ARID1B: variants seen among roughly 807,000 people sequenced by gnomAD.
ARID1B encodes the protein AT-rich interaction domain 1B.
A neutral mutation model predicts 212.3 loss-of-function variants in ARID1B; 30 were observed. The observed-to-expected ratio is 0.14, with a 90% CI of 0.11 to 0.19. ARID1B has a LOEUF of 0.19. Among genes scored for constraint, ARID1B ranks in the 10% least tolerant of loss-of-function variants. The pLI, the probability that ARID1B is intolerant of heterozygous loss-of-function variation, is 1.00. For missense variants in ARID1B, 2,891 were observed against 3,204.0 expected, an observed-to-expected ratio of 0.90 and a Z score of 2.36; for synonymous variants, 1,402 against 1,301.7, an observed-to-expected ratio of 1.08 and a Z score of -1.66.
chr6:156,782,458 T>G (rs1180694549), intron 1 of ARID1B, among the ~76,000 whole-genome samples: 1 of 152,124 alleles, frequency 6.6e-6, no homozygotes, highest in Non-Finnish European at 1.5e-5. Flanking sequence ...TCAAAAGGAA[T>G]ATTGAGGTCT....
At chr6:157,082,228 C>T (rs1784680509) in intron 4 of ARID1B, among the ~76,000 whole-genome samples, 1 of 152,128 alleles carries the variant, frequency 6.6e-6, no homozygotes, top group Non-Finnish European at 1.5e-5. Context: ...TGTCCTAATT[C>T]CTGTTTTTCC....
chr6:157,039,808 TTC>T (rs1335367806), intron 4 of ARID1B, among the ~76,000 whole-genome samples: 1 of 138,568 alleles, frequency 7.2e-6, no homozygotes, highest in Non-Finnish European at 1.5e-5. Context: ...TTCTTTCTCT[TTC>T]TTTCTTTTTC....
At position 156,989,428 on chromosome 6, in the gene ARID1B, A is replaced by T. The variant is rs567052514; in HGVS notation, c.2247+53852A>T. Among the ~76,000 whole-genome samples, 19 of 152,384 alleles carry T rather than the reference A, an allele frequency of 1.2e-4. No homozygotes were observed. The South Asian group carries it at 3.9e-3, about 32-fold the overall frequency. The stretch of plus-strand genomic sequence containing the variant: ...TAACAGTCACAAGATAATACATGTT[A>T]ATCTTCAAAAAGTTTTGGGAATTCG... On this transcript the variant is annotated intron_variant, in intron 4 of 19. Coordinates refer to ENST00000636930, the MANE Select transcript of ARID1B (RefSeq NM_001374828.1).
At chr6:156,889,693 G>T (rs1418401999) in intron 2 of ARID1B, among the ~76,000 whole-genome samples, 2 of 152,160 alleles carry the variant, frequency 1.3e-5, no homozygotes, top group Non-Finnish European at 2.9e-5. Context: ...GGGATCGTTT[G>T]TGCTATTCTA....
chr6:157,099,660 T>C (rs913326836), intron 5 of ARID1B, among the ~76,000 whole-genome samples: 4 of 152,248 alleles, frequency 2.6e-5, no homozygotes, highest in African/African-American at 9.6e-5. Context: ...TACTCACTTC[T>C]GTTTTCTACC....
intron 4 of ARID1B, among the ~76,000 whole-genome samples, chr6:156,987,622 G>A (rs1458155830): frequency 5.3e-5 from 8 of 152,230 alleles, no homozygotes; most frequent in Middle Eastern, 3.4e-3. Flanking sequence ...GAGCCACCAC[G>A]CCCGGCCCAG....
intron 2 of ARID1B, among the ~76,000 whole-genome samples, chr6:156,857,702 T>C (rs548542331): frequency 5.5e-4 from 84 of 152,356 alleles, no homozygotes; most frequent in Middle Eastern, 3.4e-3. Flanking sequence ...ATTGGAAATA[T>C]ACAGTCATGT....
rs545023901 is a variant in ARID1B, at chr6:157,209,128, TA to T, written c.*1251del. 18,939 of 194,644 alleles carry T rather than the reference TA, an allele frequency of 0.097. 4 individuals carry two copies. The highest frequency in any genetic ancestry group is 0.2 in the East Asian group (2,352 of 11,894). The allele number at this position is 194,644 out of a possible 1,614,324, so 12.1% of individuals were successfully genotyped here. A position where few individuals can be genotyped will look rare whatever the true frequency, so the allele number is the denominator to read the frequency against. On this transcript the variant is annotated 3_prime_UTR_variant, in exon 20 of 20. Transcript: ENST00000636930. ...ATTTGTATTTCAAGATAATGTAGTTTAAAAAAAAAAAAAAGAAAAAAACTTG... is the reference window on the plus strand; with the variant it reads ...ATTTGTATTTCAAGATAATGTAGTTTAAAAAAAAAAAAAGAAAAAAACTTG...
intron 4 of ARID1B, among the ~76,000 whole-genome samples, chr6:156,962,172 G>A (rs945727418): frequency 1.3e-5 from 2 of 151,956 alleles, no homozygotes; most frequent in Admixed American, 1.3e-4. Flanking sequence ...GGTGGCGGGC[G>A]CCTGCAGTCC....
chr6:156,844,846 TTC>T (rs1279820895), intron 2 of ARID1B, among the ~76,000 whole-genome samples: 1 of 152,212 alleles, frequency 6.6e-6, no homozygotes, highest in Non-Finnish European at 1.5e-5. Flanking sequence ...CTGTACAACT[TTC>T]TGTTATCCAG....
chr6:156,961,231 A>G (rs1174251873), intron 4 of ARID1B, among the ~76,000 whole-genome samples: 6 of 152,234 alleles, frequency 3.9e-5, no homozygotes, highest in Non-Finnish European at 5.9e-5. Flanking sequence ...TGCTTAATGG[A>G]AACCAATCCT....
chr6:157,105,825 C>T (rs1193506377), intron 5 of ARID1B, among the ~76,000 whole-genome samples: 2 of 152,108 alleles, frequency 1.3e-5, no homozygotes, highest in Non-Finnish European at 2.9e-5. Context: ...TGGTCTTGAA[C>T]TCCTGACTTC....
chr6:156,876,685 GCCCCGTCTT>G (rs1786583205), intron 2 of ARID1B, among the ~76,000 whole-genome samples: 1 of 152,164 alleles, frequency 6.6e-6, no homozygotes, highest in Admixed American at 6.5e-5. Context: ...CTTTCTGTGT[GCCCCGTCTT>G]CATAGCCTTT....
At chr6:157,199,135 A>G (rs916855560) in intron 17 of ARID1B, among the ~76,000 whole-genome samples, 2 of 152,242 alleles carry the variant, frequency 1.3e-5, no homozygotes, top group African/African-American at 4.8e-5. Context: ...ATGACCTGTA[A>G]TAAGAAGTTG....
At chr6:157,149,809 G>A (rs1583407359) in intron 8 of ARID1B, 1 of 150,044 alleles carries the variant, frequency 6.7e-6, no homozygotes, top group Admixed American at 6.6e-5. Context: ...AAGCTAAGGT[G>A]TGTGTGCGTG....
Position 156,779,901 on chromosome 6 carries a change from A to G in ARID1B, c.1791+430A>G, listed in dbSNP as rs573134001. Among the ~76,000 whole-genome samples, 19 of 152,254 alleles carry G rather than the reference A, an allele frequency of 1.2e-4. No individual in the cohort carries two copies. The South Asian group carries it at 3.3e-3, about 27-fold the overall frequency. ...CCGATCGGTTCTGGGAGCGCCCACA[A>G]TGTGCTTTAACGGGGGAAAGAATGA... On this transcript the variant is annotated intron_variant, in intron 1 of 19. Coordinates refer to ENST00000636930, the MANE Select transcript of ARID1B (RefSeq NM_001374828.1).
chr6:157,191,321 C>T (rs1793354989), intron 15 of ARID1B, among the ~76,000 whole-genome samples: 1 of 151,464 alleles, frequency 6.6e-6, no homozygotes, highest in Non-Finnish European at 1.5e-5. Flanking sequence ...CGTGACTGGG[C>T]GGGTGAAGAC....
chr6:157,062,590 A>G (rs886227473), intron 4 of ARID1B, among the ~76,000 whole-genome samples: 3 of 151,994 alleles, frequency 2.0e-5, no homozygotes, highest in Non-Finnish European at 4.4e-5. Context: ...AGGGTACCAT[A>G]AGAAACTGAT....
chr6:156,957,152 A>G (rs1383342012), intron 4 of ARID1B, among the ~76,000 whole-genome samples: 1 of 152,246 alleles, frequency 6.6e-6, no homozygotes, highest in African/African-American at 2.4e-5. Context: ...CATGTAGGCC[A>G]GGAACCAAGA....
Sources: gnomAD v4.1 joint callset for allele counts (sites outside exome capture counted in the v4.1 genomes callset) on GRCh38, gnomAD v4.1.1 for gene constraint, MANE v1.5 for transcripts, NCBI Gene and HGNC (gene_info 2026-07-23, HGNC 2026-07-21) for gene names.